AKAP13: variants seen among roughly 807,000 people sequenced by gnomAD.
AKAP13 encodes the protein A-kinase anchoring protein 13.
Under a neutral mutation model 264.5 loss-of-function variants are expected in AKAP13, and 80 were observed. The observed-to-expected ratio is 0.30, with a 90% CI of 0.25 to 0.36. The LOEUF (loss-of-function observed/expected upper bound fraction) is 0.36. Among genes scored for constraint, AKAP13 ranks in the 10% least tolerant of loss-of-function variants. The probability of loss-of-function intolerance (pLI) is 1.00; values close to 1 mark genes in which losing one functional copy is unlikely to be tolerated. For synonymous variants in AKAP13, 1,380 were observed against 1,250.2 expected, an observed-to-expected ratio of 1.10 and a Z score of -2.19; for missense variants, 3,712 against 3,435.2, an observed-to-expected ratio of 1.08 and a Z score of -2.01.
chr15:85,432,681 C>T (rs1291859145), intron 1 of AKAP13, among the ~76,000 whole-genome samples: 1 of 152,092 alleles, frequency 6.6e-6, no homozygotes, highest in Non-Finnish European at 1.5e-5. Context: ...TTTTATGAAG[C>T]TAATATAATA....
At position 85,745,521 on chromosome 15, in the gene AKAP13, G is replaced by A. The variant is rs1159593810; in HGVS notation, c.*844G>A. ...TTTTGGCCATGGATAAAGTGAAGAG[G>A]CCTACTCACCATTATCCCTGCAGCG... On this transcript the variant is annotated 3_prime_UTR_variant, in exon 37 of 37. Coordinates refer to ENST00000394518, the MANE Select transcript of AKAP13 (RefSeq NM_007200.5). 2 of 152,166 alleles carry A rather than the reference G, an allele frequency of 1.3e-5. No individual in the cohort carries two copies. Among genetic ancestry groups the A allele is most frequent in the African/African-American group, 4.8e-5 (2 of 41,406 alleles). The allele number at this position is 152,166 out of a possible 1,614,324, so 9.4% of individuals were successfully genotyped here.
rs1053992 is a variant in AKAP13 at position 85,745,287 on chromosome 15, G to C, written c.*610G>C. On this transcript the variant is annotated 3_prime_UTR_variant, in exon 37 of 37. Coordinates refer to ENST00000394518, the MANE Select transcript of AKAP13 (RefSeq NM_007200.5). ...AACCCATCCCGGGCACATACCACCCGTGTTTTGCATGTATTTCTCATTTCA... is the reference window on the plus strand; with the variant it reads ...AACCCATCCCGGGCACATACCACCCCTGTTTTGCATGTATTTCTCATTTCA... 69,563 of 151,948 alleles carry C rather than the reference G, an allele frequency of 0.46. 17,718 individuals carry two copies. The highest frequency in any genetic ancestry group is 0.62 in the Middle Eastern group (180 of 292). The allele number at this position is 151,948 out of a possible 1,614,324, so 9.4% of individuals were successfully genotyped here. A position where few individuals can be genotyped will look rare whatever the true frequency, so the allele number is the denominator to read the frequency against.
intron 1 of AKAP13, among the ~76,000 whole-genome samples, chr15:85,471,000 A>AT (rs1201463165): frequency 1.3e-5 from 2 of 152,112 alleles, no homozygotes; most frequent in Non-Finnish European, 2.9e-5. Context: ...ACCTAGTTTT[A>AT]TGTACTTTCC....
chr15:85,689,142 T>C (rs908868215), intron 16 of AKAP13, among the ~76,000 whole-genome samples: 1 of 152,230 alleles, frequency 6.6e-6, no homozygotes, highest in African/African-American at 2.4e-5. Flanking sequence ...GAAGTAGGTA[T>C]TTTTGAGTGC....
intron 1 of AKAP13, among the ~76,000 whole-genome samples, chr15:85,434,718 C>T (rs1248967844): frequency 1.3e-5 from 2 of 152,156 alleles, no homozygotes; most frequent in African/African-American, 2.4e-5. Context: ...CACACTGACA[C>T]CTCACACGGC....
At chr15:85,725,711 C>T (rs2087578053) in intron 26 of AKAP13, among the ~76,000 whole-genome samples, 1 of 152,202 alleles carries the variant, frequency 6.6e-6, no homozygotes, top group Non-Finnish European at 1.5e-5. Context: ...TCGAGATAGA[C>T]TCAACTCCAG....
At chr15:85,662,466 T>G (rs773931645) in intron 12 of AKAP13, 1 of 1,614,134 alleles carries the variant, frequency 6.2e-7, no homozygotes, top group Non-Finnish European at 8.5e-7. Context: ...ATGATATTGT[T>G]ATGTGTCCCG....
At chr15:85,499,109 T>C (rs1191735097) in intron 2 of AKAP13, among the ~76,000 whole-genome samples, 2 of 152,230 alleles carry the variant, frequency 1.3e-5, no homozygotes, top group Non-Finnish European at 2.9e-5. Context: ...AAGATATTAT[T>C]TCAGAAGGAC....
At position 85,513,023 on chromosome 15, in the gene AKAP13, AT is replaced by A. The variant is rs369737959; in HGVS notation, c.34-8398del. On this transcript the variant is annotated intron_variant, in intron 2 of 36. Transcript: ENST00000394518. ...AGGCACCCACCACCATGCCCGGCTAATTTTTTTGTATTTTTAGTAGATGCTC... is the reference window on the plus strand; with the variant it reads ...AGGCACCCACCACCATGCCCGGCTAATTTTTTGTATTTTTAGTAGATGCTC... 4.6e-4 allele frequency among the ~76,000 whole-genome samples: 70 copies of A among 151,902 alleles called. 1 individual carries two copies. The East Asian group carries it at 0.01, about 22-fold the overall frequency.
chr15:85,411,931 A>G (rs1239535095), intron 1 of AKAP13, among the ~76,000 whole-genome samples: 4 of 152,210 alleles, frequency 2.6e-5, no homozygotes, highest in Non-Finnish European at 5.9e-5. Context: ...AAGTTTGGAA[A>G]ATATGTATTC....
intron 17 of AKAP13, among the ~76,000 whole-genome samples, chr15:85,693,762 T>C (rs559375178): frequency 1.3e-5 from 2 of 152,270 alleles, no homozygotes; most frequent in African/African-American, 2.4e-5. Flanking sequence ...GGTACACTCA[T>C]TTCGTTTTTC....
At chr15:85,562,574 A>AAAAAT (rs1351834745) in intron 5 of AKAP13, among the ~76,000 whole-genome samples, 3 of 77,668 alleles carry the variant, frequency 3.9e-5, no homozygotes, top group African/African-American at 1.2e-4. Context: ...CAAAAAAAAA[A>AAAAAT]ATATATATAT....
intron 8 of AKAP13, among the ~76,000 whole-genome samples, chr15:85,624,933 C>T (rs1363218742): frequency 6.6e-6 from 1 of 152,226 alleles, no homozygotes; most frequent in East Asian, 1.9e-4. Flanking sequence ...TCTGAGGTAA[C>T]TTCCATTATC....
Position 85,744,697 on chromosome 15 carries a change from G to A in AKAP13, c.*20G>A. Reference sequence around the variant, plus strand: ...TGCTGACCCTCTTCCTCTCTGCTGAGGCAGCTGCCTCCTGATCCTGGCCAG... The same window carrying A: ...TGCTGACCCTCTTCCTCTCTGCTGAAGCAGCTGCCTCCTGATCCTGGCCAG... On this transcript the variant is annotated 3_prime_UTR_variant, in exon 37 of 37. Transcript: ENST00000394518. 2 of 1,588,532 alleles carry A rather than the reference G, an allele frequency of 1.3e-6. No homozygotes were observed. Among genetic ancestry groups the A allele is most frequent in the Non-Finnish European group, 8.6e-7 (1 of 1,168,510 alleles).
chr15:85,485,710 T>G lies in AKAP13; in HGVS notation c.-11T>G. On this transcript the variant is annotated splice_region_variant and 5_prime_UTR_variant, in exon 2 of 37. Coordinates refer to ENST00000394518, the MANE Select transcript of AKAP13 (RefSeq NM_007200.5). Reference sequence around the variant, plus strand: ...CTCATTTATTCCATTTCTGTTTCAGTGTCCTGGGTCATGAAACTTAATCCA... The same window carrying G: ...CTCATTTATTCCATTTCTGTTTCAGGGTCCTGGGTCATGAAACTTAATCCA... The G allele has an allele frequency of 6.2e-7, 1 of 1,612,764 alleles. No individual in the cohort carries two copies. Among genetic ancestry groups the G allele is most frequent in the Non-Finnish European group, 8.5e-7 (1 of 1,178,948 alleles).
chr15:85,716,933 A>G (rs1198948953), intron 20 of AKAP13, among the ~76,000 whole-genome samples: 1 of 152,248 alleles, frequency 6.6e-6, no homozygotes, highest in African/African-American at 2.4e-5. Flanking sequence ...CTAGATCTGT[A>G]GTTATCTAGA....
At chr15:85,638,103 C>T (rs1467910952) in intron 8 of AKAP13, among the ~76,000 whole-genome samples, 1 of 151,708 alleles carries the variant, frequency 6.6e-6, no homozygotes, top group East Asian at 1.9e-4. Flanking sequence ...CCAGGATGGT[C>T]TCCATCTCCT....
intron 5 of AKAP13, among the ~76,000 whole-genome samples, chr15:85,560,713 A>T (rs1056238274): frequency 2.6e-5 from 4 of 152,034 alleles, no homozygotes; most frequent in Admixed American, 1.3e-4. Flanking sequence ...TCTGATTTTT[A>T]AAAAAATTAA....
At chr15:85,541,301 G>A (rs1410382275) in intron 4 of AKAP13, among the ~76,000 whole-genome samples, 1 of 152,142 alleles carries the variant, frequency 6.6e-6, no homozygotes, top group Admixed American at 6.5e-5. Context: ...AAAATAAGGT[G>A]GATCGATGGG....
Sources: allele counts gnomAD v4.1 joint callset (sites outside exome capture counted in the v4.1 genomes callset), GRCh38; gene constraint gnomAD v4.1.1; transcripts MANE v1.5; gene names NCBI Gene and HGNC (gene_info 2026-07-23, HGNC 2026-07-21).